Variants in CEP170 observed in about 807,000 individuals in gnomAD.
CEP170 encodes the protein centrosomal protein 170.
Under a neutral mutation model 151.9 loss-of-function variants are expected in CEP170, and 21 were observed. The ratio of observed to expected loss-of-function variants is 0.14; its 90% CI spans 0.10 to 0.20. The LOEUF is 0.20. Ranked by LOEUF, CEP170 falls within the 10% of genes least tolerant of loss-of-function variation. The pLI is 1.00. For synonymous variants in CEP170, 356 were observed against 648.8 expected (o/e 0.55, Z 6.86); for missense variants, 964 against 1,892.9 (o/e 0.51, Z 9.11).
rs1025993656 is a variant in CEP170 at position 243,252,137 on chromosome 1, G to A, written c.-42+2903C>T. On this transcript the variant is annotated intron_variant, in intron 1 of 19. Transcript: ENST00000366542. ...TTAATGAAACAGATCAACACTGAAT[G>A]CTCCAGTCAATACTATCTACTCACC... Among the ~76,000 whole-genome samples, 4 of 152,126 alleles carry A rather than the reference G, an allele frequency of 2.6e-5. No individual in the cohort carries two copies. The South Asian group carries it at 8.3e-4, about 32-fold the overall frequency.
intron 1 of CEP170, among the ~76,000 whole-genome samples, chr1:243,247,803 T>C (rs1558156172): frequency 6.6e-6 from 1 of 152,210 alleles, no homozygotes; most frequent in Admixed American, 6.5e-5. Flanking sequence ...TTTGCCAACA[T>C]AGTTCTTCAA....
At position 243,139,965 on chromosome 1, in the gene CEP170, G is replaced by A; in HGVS notation, c.4202C>T (p.Thr1401Ile). Residue 1401 changes from threonine to isoleucine, a missense_variant, in exon 16 of 20, where the codon ACA (threonine) becomes ATA (isoleucine). By Grantham distance (89) the Thr-to-Ile change is moderately conservative. Coordinates refer to ENST00000366542, the MANE Select transcript of CEP170 (RefSeq NM_014812.3). The stretch of plus-strand genomic sequence containing the variant: ...ATCCCTGCTCCAGGTTCTCCGCCTT[G>A]TAATTGTTAAGTGATCGGGAGGCTC... ...AAEPPDHLTI[T>I]RRRTWSRDEV... 2 of 1,612,738 alleles carry A rather than the reference G, an allele frequency of 1.2e-6. No individual in the cohort carries two copies. The highest frequency in any genetic ancestry group is 1.7e-6 in the Non-Finnish European group (2 of 1,179,016).
At chr1:243,246,088 A>G (rs2065365002) in intron 1 of CEP170, among the ~76,000 whole-genome samples, 1 of 152,210 alleles carries the variant, frequency 6.6e-6, no homozygotes, top group Non-Finnish European at 1.5e-5. Flanking sequence ...ATTTTATTAA[A>G]AAGTTAGAAA....
rs1572020977 is a variant in CEP170 at position 243,172,717 on chromosome 1, A to G, written c.1696T>C (p.Ser566Pro). ...VMEERKPLTTSGFHHSEEGTS... is the reference protein window; with the variant it reads ...VMEERKPLTTPGFHHSEEGTS... ...TATACCTCTGAGTGGTGAAATCCAGATGTAGTCAGTGGTTTTCTTTCTTCC... is the reference window on the plus strand; with the variant it reads ...TATACCTCTGAGTGGTGAAATCCAGGTGTAGTCAGTGGTTTTCTTTCTTCC... The change falls in exon 11 of 20, where the codon TCT becomes CCT. Residue 566 changes from serine (S) to proline (P), a missense_variant. Ser to Pro is a moderately conservative substitution (Grantham distance 74). Coordinates refer to ENST00000366542, the MANE Select transcript of CEP170 (RefSeq NM_014812.3). 5 of 1,593,708 alleles carry G rather than the reference A, an allele frequency of 3.1e-6. No homozygotes were observed. The highest frequency in any genetic ancestry group is 4.3e-6 in the Non-Finnish European group (5 of 1,169,776).
chr1:243,206,963 T>C (rs944048723), intron 4 of CEP170, among the ~76,000 whole-genome samples: 2 of 151,798 alleles, frequency 1.3e-5, no homozygotes, highest in African/African-American at 4.8e-5. Flanking sequence ...TAAAATGAAA[T>C]AATAAAAACT....
In CEP170 at chr1:243,127,252, T is replaced by C. The variant is rs190070930; in HGVS notation, c.4466-514A>G. On this transcript the variant is annotated intron_variant, in intron 19 of 19. Coordinates refer to ENST00000366542, the MANE Select transcript of CEP170 (RefSeq NM_014812.3). ...TAGGGTTATCAGCTGTATACACCAC[T>C]GAGATACAGGGGTTCCCTCAGAGCC... Among the ~76,000 whole-genome samples the C allele has an allele frequency of 4.6e-3, 700 of 152,194 alleles. 4 individuals carry two copies. Among genetic ancestry groups the C allele is most frequent in the African/African-American group, 0.016 (675 of 41,498 alleles).
intron 4 of CEP170, among the ~76,000 whole-genome samples, chr1:243,202,137 T>A (rs941012002): frequency 6.6e-6 from 1 of 152,140 alleles, no homozygotes; most frequent in Non-Finnish European, 1.5e-5. Context: ...AATGAAATAG[T>A]GTCTTTTGCA....
intron 7 of CEP170, among the ~76,000 whole-genome samples, chr1:243,197,166 A>G (rs1236258447): frequency 6.6e-6 from 1 of 152,028 alleles, no homozygotes; most frequent in Admixed American, 6.6e-5. Flanking sequence ...TAGCCCAATC[A>G]TGACTCAGGA....
At chr1:243,170,245 C>T (rs2148600959) in intron 11 of CEP170, among the ~76,000 whole-genome samples, 1 of 151,436 alleles carries the variant, frequency 6.6e-6, no homozygotes, top group East Asian at 2.0e-4. Flanking sequence ...ATTAGCTGGG[C>T]ATGGTGGCAT....
At chr1:243,251,008 T>C (rs2065886736) in intron 1 of CEP170, among the ~76,000 whole-genome samples, 2 of 152,184 alleles carry the variant, frequency 1.3e-5, no homozygotes, top group South Asian at 4.1e-4. Flanking sequence ...AAGGAAACCA[T>C]ATGAAGTTGG....
At chr1:243,251,333 A>G (rs528761734) in intron 1 of CEP170, among the ~76,000 whole-genome samples, 1 of 152,206 alleles carries the variant, frequency 6.6e-6, no homozygotes, top group Non-Finnish European at 1.5e-5. Context: ...AGAGTAAGGA[A>G]ATAAGTGGTA....
intron 11 of CEP170, among the ~76,000 whole-genome samples, chr1:243,170,988 G>A (rs1314373176): frequency 2.0e-5 from 3 of 152,206 alleles, no homozygotes; most frequent in Admixed American, 6.5e-5. Context: ...TGACACACGC[G>A]TATGTAAAAC....
At position 243,185,156 on chromosome 1, in the gene CEP170, C is replaced by A. The variant is rs1261648538; in HGVS notation, c.1566+623G>T. On this transcript the variant is annotated intron_variant, in intron 10 of 19. Transcript: ENST00000366542. This position sits in a 1 kb window ranked among gnomAD's most constrained non-coding sequence, Gnocchi z 4.9. Reference sequence around the variant, plus strand: ...ATGCAACAATCCTTACACACGCTAACCAATAATATCAAAGAATACACTTGA... The same window carrying A: ...ATGCAACAATCCTTACACACGCTAAACAATAATATCAAAGAATACACTTGA... Among the ~76,000 whole-genome samples the A allele has an allele frequency of 6.6e-6, 1 of 152,146 alleles. No homozygotes were observed. The highest frequency in any genetic ancestry group is 1.5e-5 in the Non-Finnish European group (1 of 68,028).
chr1:243,152,502 T>G lies in CEP170; in HGVS notation c.3911+3719A>C, dbSNP rs1170493926. Among the ~76,000 whole-genome samples the G allele has an allele frequency of 9.5e-5, 13 of 136,566 alleles. No homozygotes were observed. The South Asian group carries it at 1.9e-3, about 20-fold the overall frequency. 89.6% of individuals were successfully genotyped at this position (136,566 alleles called of 152,430 possible). On this transcript the variant is annotated intron_variant, in intron 14 of 19. Transcript: ENST00000366542. ...TCCCAAAGTGCTGGGATTCCAGGCG[T>G]GAGCCACCGCGCCCAGCCATTTTTT... is the stretch of plus-strand genomic sequence containing the variant.
rs773315365 is a variant in CEP170 at position 243,164,536 on chromosome 1, G to A, written c.3424C>T (p.Arg1142Cys). 4 of 1,612,736 alleles carry A rather than the reference G, an allele frequency of 2.5e-6. No individual in the cohort carries two copies. The highest frequency in any genetic ancestry group is 1.1e-5 in the South Asian group (1 of 90,864). Residue 1142 changes from arginine to cysteine, a missense_variant, in exon 13 of 20, where the codon CGT (arginine) becomes TGT (cysteine). Arg to Cys is a radical substitution (Grantham distance 180). Transcript: ENST00000366542. ...SSTSKPPTGRRNISRIDLLAQ... is the reference protein window; with the variant it reads ...SSTSKPPTGRCNISRIDLLAQ... The stretch of plus-strand genomic sequence containing the variant: ...AATAAATCAATCCGAGAGATGTTAC[G>A]CCTTCCTGTGGGAGGTTTTGATGTA...
chr1:243,200,624 T>C lies in CEP170; in HGVS notation c.390A>G (p.Leu130=), dbSNP rs780224976. ...QLSQKSSESE[L]SKSASAKSID... ...TGCTTTTGGCACTTGCAGATTTGGA[T>C]AATTCTGATTCTGAAGATTTTTGGG... Residue 130 remains leucine (L), a synonymous_variant, in exon 6 of 20, where the codon TTA becomes TTG. Coordinates refer to ENST00000366542, the MANE Select transcript of CEP170 (RefSeq NM_014812.3). The C allele has an allele frequency of 8.4e-6, 13 of 1,553,924 alleles. 1 individual carries two copies. The South Asian group carries it at 1.6e-4, about 19-fold the overall frequency.
intron 1 of CEP170, among the ~76,000 whole-genome samples, chr1:243,246,123 TTTGTATCTGCA>T (rs1300300677): frequency 1.3e-5 from 2 of 152,110 alleles, no homozygotes; most frequent in Non-Finnish European, 2.9e-5. Flanking sequence ...GAATTCTGCA[TTTGTATCTGCA>T]TTGTATTTTA....
At chr1:243,206,844 G>T (rs186210344) in intron 4 of CEP170, among the ~76,000 whole-genome samples, 1 of 152,214 alleles carries the variant, frequency 6.6e-6, no homozygotes, top group Admixed American at 6.5e-5. Flanking sequence ...ATGTAAAGTG[G>T]TATAATGTTA....
At chr1:243,139,865 G>T in intron 16 of CEP170, 72 bp downstream of exon 16, 6 of 1,517,536 alleles carry the variant, frequency 4.0e-6, no homozygotes, top group Non-Finnish European at 5.3e-6. Context: ...CCTACTCACT[G>T]AATGGTTCCT....
Sources: allele counts gnomAD v4.1 joint callset (sites outside exome capture counted in the v4.1 genomes callset), GRCh38; gene constraint gnomAD v4.1.1; non-coding constraint Gnocchi (gnomAD v3.1); transcripts MANE v1.5; gene names NCBI Gene and HGNC (gene_info 2026-07-23, HGNC 2026-07-21).